Variants in PRKCSH observed in about 807,000 individuals in gnomAD.
PRKCSH encodes glucosidase 2 subunit beta.
PRKCSH carries 42 observed loss-of-function variants against 79.7 expected under a neutral mutation model. That is an observed-to-expected ratio of 0.53 (90% CI 0.41 to 0.68). PRKCSH has a LOEUF of 0.68. Ranked by LOEUF, PRKCSH falls within the 30% of genes least tolerant of loss-of-function variation. The pLI is 0.00. For synonymous variants in PRKCSH, 325 were observed against 288.2 expected (o/e 1.13, Z -1.29); for missense variants, 686 against 709.0 (o/e 0.97, Z 0.37).
chr19:11,438,334 T>G (rs1005184537), intron 5 of PRKCSH, among the ~76,000 whole-genome samples: 1 of 152,018 alleles, frequency 6.6e-6, no homozygotes, highest in African/African-American at 2.4e-5. Flanking sequence ...AACTCAAGTT[T>G]AGAAAGGGAA....
rs201385707 is a variant in PRKCSH at position 11,447,503 on chromosome 19, C to A, written c.914C>A (p.Pro305Gln). 1 of 1,613,336 alleles carries A rather than the reference C, an allele frequency of 6.2e-7. No individual in the cohort carries two copies. Among genetic ancestry groups the A allele is most frequent in the Non-Finnish European group, 8.5e-7 (1 of 1,179,806 alleles). Residue 305 changes from proline (P) to glutamine (Q), a missense_variant, in exon 11 of 18, where the codon CCG becomes CAG. This residue lies in a region of PRKCSH where 549 missense variants were observed against 520.2 expected (regional missense o/e 1.06). Coordinates refer to ENST00000677123, the MANE Select transcript of PRKCSH (RefSeq NM_001289104.2). This position sits in a 1 kb window ranked among gnomAD's most constrained non-coding sequence, Gnocchi z 5.6. ...TTGACGGAGCCCAAGGAGGAGCAGC[C>A]GCCAGTGCCCTCGTCGCCCACAGAG... Reference protein sequence around the residue: ...PDLTEPKEEQPPVPSSPTEEE... With the variant: ...PDLTEPKEEQQPVPSSPTEEE...
intron 7 of PRKCSH, among the ~76,000 whole-genome samples, chr19:11,444,620 C>T (rs1271416408): frequency 6.6e-6 from 1 of 152,180 alleles, no homozygotes; most frequent in Admixed American, 6.5e-5. Flanking sequence ...TCCTGGTATA[C>T]AGTAGGAAGT....
At chr19:11,440,446 CT>C (rs1274908748) in intron 5 of PRKCSH, among the ~76,000 whole-genome samples, 3 of 151,644 alleles carry the variant, frequency 2.0e-5, no homozygotes, top group East Asian at 1.9e-4. Context: ...GCCACCGCCC[CT>C]GGCCCACACT....
intron 5 of PRKCSH, among the ~76,000 whole-genome samples, chr19:11,439,414 TA>T (rs149089405): frequency 3.8e-4 from 54 of 140,770 alleles, no homozygotes; most frequent in Admixed American, 5.6e-4. Flanking sequence ...CTATAAAAAG[TA>T]AAAAAAAAAA....
rs538604067 is a variant in PRKCSH, at chr19:11,447,004, G to A, written c.763-70G>A. Reference sequence around the variant, plus strand: ...CCTCCCGTGCCTGGCACCGCAGCCCGGGTGCCGGGGTGGCCGAGATGGGGG... The same window carrying A: ...CCTCCCGTGCCTGGCACCGCAGCCCAGGTGCCGGGGTGGCCGAGATGGGGG... On this transcript the variant is annotated intron_variant, in intron 9 of 17. Transcript: ENST00000677123. This position sits in a 1 kb window ranked among gnomAD's most constrained non-coding sequence, Gnocchi z 5.6. The A allele has an allele frequency of 6.7e-5, 102 of 1,529,462 alleles. No homozygotes were observed. The highest frequency in any genetic ancestry group is 2.6e-4 in the African/African-American group (19 of 73,212). The allele number at this position is 1,529,462 out of a possible 1,614,324, so 94.7% of individuals were successfully genotyped here.
intron 5 of PRKCSH, among the ~76,000 whole-genome samples, chr19:11,438,553 G>C (rs192540657): frequency 3.9e-5 from 6 of 151,970 alleles, no homozygotes; most frequent in Admixed American, 3.9e-4. Flanking sequence ...TCAGGAGATC[G>C]AGACCATCCT....
At position 11,447,656 on chromosome 19, in the gene PRKCSH, G is replaced by T. The variant is rs148197108; in HGVS notation, c.1030-37G>T. ...GGGAGAAGTGGAGACAGAGAGGGTGGGGGAAGGGCTACTCACTGACCCTGC... is the reference window on the plus strand; with the variant it reads ...GGGAGAAGTGGAGACAGAGAGGGTGTGGGAAGGGCTACTCACTGACCCTGC... On this transcript the variant is annotated intron_variant, in intron 11 of 17. Coordinates refer to ENST00000677123, the MANE Select transcript of PRKCSH (RefSeq NM_001289104.2). The surrounding 1 kb of genome is among the most constrained non-coding windows in gnomAD (Gnocchi z 5.6). 1.3e-6 allele frequency: 2 copies of T among 1,568,056 alleles called. No homozygotes were observed.
At position 11,449,504 on chromosome 19, in the gene PRKCSH, A is replaced by G. The variant is rs1001606088; in HGVS notation, c.*16+76A>G. 7.0e-6 allele frequency: 11 copies of G among 1,571,922 alleles called. No individual in the cohort carries two copies. Among genetic ancestry groups the G allele is most frequent in the South Asian group, 2.2e-5 (2 of 89,874 alleles). ...CGGGCCCTGAGGAAGATGGACCCAC[A>G]TGGCCACTCTATCAACCTGTGTCCC... is the stretch of plus-strand genomic sequence containing the variant. On this transcript the variant is annotated intron_variant, in intron 17 of 17. Coordinates refer to ENST00000677123, the MANE Select transcript of PRKCSH (RefSeq NM_001289104.2). This position sits in a 1 kb window ranked among gnomAD's most constrained non-coding sequence, Gnocchi z 6.4.
chr19:11,438,754 C>CA lies in PRKCSH; in HGVS notation c.350+639dup, dbSNP rs748441891. ...TGGGCAACAGAGTGAGACTCCGTCT[C>CA]AAAAAAAAAGCAAAAAAAAAAAAAG... On this transcript the variant is annotated intron_variant, in intron 5 of 17. Coordinates refer to ENST00000677123, the MANE Select transcript of PRKCSH (RefSeq NM_001289104.2). Among the ~76,000 whole-genome samples the CA allele has an allele frequency of 5.2e-3, 335 of 64,772 alleles. No individual in the cohort carries two copies. The Middle Eastern group carries it at 0.061, about 12-fold the overall frequency. 42.5% of individuals were successfully genotyped at this position (64,772 alleles called of 152,430 possible).
rs1166683249 is a variant in PRKCSH at position 11,448,618 on chromosome 19, C to T, written c.1275C>T (p.Leu425=). ...FAYLYSQCYE[L]TTNEYVYRLC... is the part of the protein sequence containing the mutation. The stretch of plus-strand genomic sequence containing the variant: ...ACCTGTACAGCCAGTGCTACGAGCT[C>T]ACCACCAACGAGTGCGTCCCAGGAA... The change falls in exon 14 of 18, where the codon CTC becomes CTT. Residue 425 remains leucine (L), a synonymous_variant. Coordinates refer to ENST00000677123, the MANE Select transcript of PRKCSH (RefSeq NM_001289104.2). The surrounding 1 kb of genome is among the most constrained non-coding windows in gnomAD (Gnocchi z 4.4). 3 of 1,613,972 alleles carry T rather than the reference C, an allele frequency of 1.9e-6. No homozygotes were observed. The highest frequency in any genetic ancestry group is 1.3e-5 in the African/African-American group (1 of 74,944).
chr19:11,437,733 G>T, intron 3 of PRKCSH, 143 bp from the exon 4 acceptor site: 12 of 786,836 alleles, frequency 1.5e-5, no homozygotes, highest in South Asian at 9.8e-5. Context: ...TGGCTGTGCA[G>T]TGTACAACTC....
rs1300607591 is a variant in PRKCSH at position 11,437,979 on chromosome 19, A to G, written c.292+8A>G. ...TCAACGATGGTGTTTGTGGTAAGTG[A>G]AGATGCACCAGGATTCTGGAAAGGT... On this transcript the variant is annotated splice_region_variant and intron_variant, in intron 4 of 17. Coordinates refer to ENST00000677123, the MANE Select transcript of PRKCSH (RefSeq NM_001289104.2). 1.2e-6 allele frequency: 2 copies of G among 1,613,864 alleles called. No homozygotes were observed. Among genetic ancestry groups the G allele is most frequent in the South Asian group, 1.1e-5 (1 of 91,088 alleles).
chr19:11,437,029 G>A (rs975842236), intron 3 of PRKCSH, among the ~76,000 whole-genome samples: 15 of 146,700 alleles, frequency 1.0e-4, no homozygotes, highest in African/African-American at 3.5e-4. Flanking sequence ...GGATGAGACC[G>A]TGTCTTTGGT....
chr19:11,442,907 T>A (rs1970128908), intron 7 of PRKCSH, among the ~76,000 whole-genome samples: 1 of 152,054 alleles, frequency 6.6e-6, no homozygotes, highest in Non-Finnish European at 1.5e-5. Context: ...TTTCACAATG[T>A]TGGCCAGGCT....
At position 11,449,065 on chromosome 19, in the gene PRKCSH, G is replaced by C. The variant is rs779996605; in HGVS notation, c.1362-11G>C. Reference sequence around the variant, plus strand: ...ACCGGCCCAGCCCTCAGCACCCTGTGTCTCTCACAGCACCTGGGGCTCATG... The same window carrying C: ...ACCGGCCCAGCCCTCAGCACCCTGTCTCTCTCACAGCACCTGGGGCTCATG... On this transcript the variant is annotated splice_polypyrimidine_tract_variant and intron_variant, in intron 15 of 17. Transcript: ENST00000677123. This position sits in a 1 kb window ranked among gnomAD's most constrained non-coding sequence, Gnocchi z 6.4. 2.5e-6 allele frequency: 4 copies of C among 1,613,252 alleles called. No individual in the cohort carries two copies. The highest frequency in any genetic ancestry group is 2.2e-5 in the East Asian group (1 of 44,896).
At position 11,448,072 on chromosome 19, in the gene PRKCSH, T is replaced by C. The variant is rs1970406269; in HGVS notation, c.1127-150T>C. 1.1e-6 allele frequency: 1 copy of C among 893,028 alleles called. No individual in the cohort carries two copies. Among genetic ancestry groups the C allele is most frequent in the Non-Finnish European group, 1.8e-6 (1 of 556,826 alleles). The allele number at this position is 893,028 out of a possible 1,614,324, so 55.3% of individuals were successfully genotyped here. Reference sequence around the variant, plus strand: ...TGGGCAGCAAGTCGGGGCTGCTCTATAGCTGGTGAGGCCCTCAAGGCTGTC... The same window carrying C: ...TGGGCAGCAAGTCGGGGCTGCTCTACAGCTGGTGAGGCCCTCAAGGCTGTC... On this transcript the variant is annotated intron_variant, in intron 12 of 17. Coordinates refer to ENST00000677123, the MANE Select transcript of PRKCSH (RefSeq NM_001289104.2). This position sits in a 1 kb window ranked among gnomAD's most constrained non-coding sequence, Gnocchi z 4.4.
Position 11,448,171 on chromosome 19 carries a change from A to G in PRKCSH, c.1127-51A>G, listed in dbSNP as rs1970410997. 6.6e-7 allele frequency: 1 copy of G among 1,524,880 alleles called. No individual in the cohort carries two copies. The allele number at this position is 1,524,880 out of a possible 1,614,324, so 94.5% of individuals were successfully genotyped here. Reference sequence around the variant, plus strand: ...CCACATCCATGGAACCCCGTTCCCCATCCTCCTGGATGGGGTTGAGGACAT... The same window carrying G: ...CCACATCCATGGAACCCCGTTCCCCGTCCTCCTGGATGGGGTTGAGGACAT... On this transcript the variant is annotated intron_variant, in intron 12 of 17. Coordinates refer to ENST00000677123, the MANE Select transcript of PRKCSH (RefSeq NM_001289104.2). The surrounding 1 kb of genome is among the most constrained non-coding windows in gnomAD (Gnocchi z 4.4).
rs746242384 is a variant in PRKCSH, at chr19:11,439,012, A to G, written c.350+888A>G. On this transcript the variant is annotated intron_variant, in intron 5 of 17. Coordinates refer to ENST00000677123, the MANE Select transcript of PRKCSH (RefSeq NM_001289104.2). ...AACCTCTGCCCTTCGGGTTCAAGCA[A>G]TTCTCACACCTCAGCCTCCCAAGTA... Among the ~76,000 whole-genome samples, 10 of 151,812 alleles carry G rather than the reference A, an allele frequency of 6.6e-5. 1 individual carries two copies. The highest frequency in any genetic ancestry group is 2.0e-4 in the East Asian group (1 of 5,096).
At chr19:11,450,070 T>C (rs1970531940) in intron 17 of PRKCSH, 1 of 149,252 alleles carries the variant, frequency 6.7e-6, no homozygotes, top group South Asian at 2.1e-4. Flanking sequence ...GGTCTCGATC[T>C]CCTGACCTCG....
Sources: allele counts gnomAD v4.1 joint callset (sites outside exome capture counted in the v4.1 genomes callset), GRCh38; gene constraint gnomAD v4.1.1; regional missense constraint gnomAD v4.1.1; non-coding constraint Gnocchi (gnomAD v3.1); transcripts MANE v1.5; gene names NCBI Gene and HGNC (gene_info 2026-07-23, HGNC 2026-07-21).